KIF2C: variants seen among roughly 807,000 people sequenced by gnomAD.
KIF2C encodes the protein kinesin-like protein KIF2C.
Under a neutral mutation model 97.4 loss-of-function variants are expected in KIF2C, and 34 were observed. That is an observed-to-expected ratio of 0.35 (90% CI 0.27 to 0.46). The LOEUF is 0.46. KIF2C is among the 20% of genes least tolerant of loss of function. KIF2C has a pLI of 1.00. For synonymous variants in KIF2C, 313 were observed against 318.2 expected (o/e 0.98, Z 0.17); for missense variants, 750 against 907.6 (o/e 0.83, Z 2.23).
chr1:44,759,431 A>G (rs1650023868), intron 14 of KIF2C, 83 bp downstream of exon 14: 4 of 1,549,672 alleles, frequency 2.6e-6, no homozygotes, highest in African/African-American at 2.7e-5. Flanking sequence ...ATTTCTGTTT[A>G]CCCAGAGTGC....
chr1:44,753,958 CTTTTTTTTTTTTTTTTT>C lies in KIF2C; in HGVS notation c.663+136_663+152del. The C allele has an allele frequency of 9.0e-5, 6 of 66,332 alleles. No individual in the cohort carries two copies. In the South Asian group the frequency reaches 9.9e-4, roughly 11 times the overall value. The allele number at this position is 66,332 out of a possible 1,614,324, so 4.1% of individuals were successfully genotyped here. A position where few individuals can be genotyped will look rare whatever the true frequency, so the allele number is the denominator to read the frequency against. ...GGCTCCAGTTCTTGAGGCCCCAATT[CTTTTTTTTTTTTTTTTT>C]TTTTTTTTTTGCTCTGTTGCCCTGG... On this transcript the variant is annotated intron_variant, in intron 7 of 20. Transcript: ENST00000372224.
In KIF2C at chr1:44,739,866, C is replaced by T. The variant is rs1648841882; in HGVS notation, c.-67C>T. The stretch of plus-strand genomic sequence containing the variant: ...TGCGGCGGTTTACGCGGCGTTAAGA[C>T]TTCGTAGGGTTAGCGAAATTGAGGT... On this transcript the variant is annotated 5_prime_UTR_variant, in exon 1 of 21. Transcript: ENST00000372224. 1.4e-6 allele frequency: 2 copies of T among 1,457,914 alleles called. No homozygotes were observed. The highest frequency in any genetic ancestry group is 2.3e-5 in the East Asian group (1 of 44,086). The allele number at this position is 1,457,914 out of a possible 1,614,324, so 90.3% of individuals were successfully genotyped here.
chr1:44,749,361 G>T lies in KIF2C; in HGVS notation c.317-1081G>T, dbSNP rs181923258. Among the ~76,000 whole-genome samples the T allele has an allele frequency of 4.0e-4, 61 of 152,270 alleles. 1 individual carries two copies. In the East Asian group the frequency reaches 6.2e-3, roughly 15 times the overall value. ...AGGCAGGAGAATCGTTTGAGCCCGG[G>T]GGGGCAGAGGTTGCAGTGAGCCGAG... On this transcript the variant is annotated intron_variant, in intron 4 of 20. Transcript: ENST00000372224.
intron 8 of KIF2C, 128 bp downstream of exon 8, chr1:44,754,973 G>T (rs559219150): frequency 4.9e-6 from 3 of 611,238 alleles, no homozygotes; most frequent in African/African-American, 3.7e-5. Flanking sequence ...ATTTTTTTTT[G>T]AGATGGGGTC....
rs893436565 is a variant in KIF2C at position 44,758,608 on chromosome 1, C to T, written c.1224+468C>T. 3.9e-5 allele frequency among the ~76,000 whole-genome samples: 6 copies of T among 152,170 alleles called. No individual in the cohort carries two copies. In the South Asian group the frequency reaches 1.2e-3, roughly 31 times the overall value. On this transcript the variant is annotated intron_variant, in intron 13 of 20. Coordinates refer to ENST00000372224, the MANE Select transcript of KIF2C (RefSeq NM_006845.4). Reference sequence around the variant, plus strand: ...AGATATTAGGGGCCAGGCGTGATGGCTCACACCTGTAATCCCAGCACTTTG... The same window carrying T: ...AGATATTAGGGGCCAGGCGTGATGGTTCACACCTGTAATCCCAGCACTTTG...
intron 2 of KIF2C, chr1:44,746,763 A>G (rs771409812): frequency 6.2e-7 from 1 of 1,608,060 alleles, no homozygotes; most frequent in Admixed American, 1.7e-5. Flanking sequence ...CTAGATGGTA[A>G]ACCATTATTA....
At chr1:44,748,934 C>G (rs1254994505) in intron 4 of KIF2C, among the ~76,000 whole-genome samples, 1 of 152,048 alleles carries the variant, frequency 6.6e-6, no homozygotes, top group Non-Finnish European at 1.5e-5. Flanking sequence ...CCTGCCTCAG[C>G]CTCCCAAAGT....
intron 19 of KIF2C, among the ~76,000 whole-genome samples, chr1:44,766,180 C>T (rs534136523): frequency 1.3e-3 from 196 of 152,128 alleles, no homozygotes; most frequent in Non-Finnish European, 2.4e-3. Flanking sequence ...GAGCCAGGAT[C>T]GCACACCACT....
chr1:44,759,414 T>C, intron 14 of KIF2C, 66 bp downstream of exon 14: 1 of 1,588,104 alleles, frequency 6.3e-7, no homozygotes, highest in South Asian at 1.1e-5. Flanking sequence ...AGTCTAGCTC[T>C]GAGCACATTT....
chr1:44,748,687 T>G (rs1649348428), intron 4 of KIF2C, among the ~76,000 whole-genome samples: 1 of 150,028 alleles, frequency 6.7e-6, no homozygotes. Context: ...ACTACAGGTG[T>G]GCCCCATCAC....
At chr1:44,751,187 A>ATTATTTAT (rs72000438) in intron 5 of KIF2C, among the ~76,000 whole-genome samples, 5 of 150,628 alleles carry the variant, frequency 3.3e-5, no homozygotes, top group African/African-American at 9.8e-5. Context: ...TCTGTATTTT[A>ATTATTTAT]TTATTTATTT....
In KIF2C at chr1:44,751,095, G is replaced by C. The variant is rs566654979; in HGVS notation, c.439+531G>C. Among the ~76,000 whole-genome samples, 5 of 152,328 alleles carry C rather than the reference G, an allele frequency of 3.3e-5. No homozygotes were observed. The East Asian group carries it at 9.6e-4, about 29-fold the overall frequency. On this transcript the variant is annotated intron_variant, in intron 5 of 20. Transcript: ENST00000372224. The stretch of plus-strand genomic sequence containing the variant: ...CATTAACAGAACTTCAAAAGTCCCT[G>C]TTGGGCATATTTGCAGCTCCTAATT...
intron 19 of KIF2C, among the ~76,000 whole-genome samples, chr1:44,766,537 G>C (rs1282677842): frequency 6.6e-6 from 1 of 152,122 alleles, no homozygotes; most frequent in East Asian, 1.9e-4. Context: ...CTTAAACTCG[G>C]GGGGTGGAGG....
In KIF2C at chr1:44,756,136, T is replaced by C. The variant is rs755133851; in HGVS notation, c.876T>C (p.His292=). ...SIPSKCLLLV[H]EPKLKVDLTK... is the part of the protein sequence containing the mutation. ...CTAGCAAGTGTCTCCTCTTGGTACA[T>C]GAACCCAAGTTGAAAGTGGACTTAA... The change falls in exon 10 of 21, where the codon CAT becomes CAC. Residue 292 remains histidine, a synonymous_variant. Coordinates refer to ENST00000372224, the MANE Select transcript of KIF2C (RefSeq NM_006845.4). The C allele has an allele frequency of 6.2e-7, 1 of 1,614,236 alleles. No individual in the cohort carries two copies. The highest frequency in any genetic ancestry group is 1.1e-5 in the South Asian group (1 of 91,090).
intron 20 of KIF2C, 49 bp from the exon 21 acceptor site, chr1:44,767,047 GC>G (rs775471286): frequency 3.1e-6 from 5 of 1,607,214 alleles, no homozygotes; most frequent in Admixed American, 3.3e-5. Flanking sequence ...GTGAATGGGG[GC>G]TCCTCAGACT....
intron 4 of KIF2C, among the ~76,000 whole-genome samples, chr1:44,749,257 AC>A (rs1404410749): frequency 5.9e-5 from 9 of 151,980 alleles, no homozygotes; most frequent in African/African-American, 9.7e-5. Context: ...ACATGGTGAA[AC>A]CCCTGTCTCT....
Position 44,766,941 on chromosome 1 carries a change from C to T in KIF2C, c.2087C>T (p.Ala696Val), listed in dbSNP as rs1240093816. The T allele has an allele frequency of 1.2e-6, 2 of 1,614,206 alleles. No individual in the cohort carries two copies. The highest frequency in any genetic ancestry group is 2.2e-5 in the South Asian group (2 of 91,090). ...ALAQQAKHFS[A>V]LRDVIKALRL... ...GCCCAGCAAGCCAAGCATTTCTCAG[C>T]CCTGCGAGGTGGGTGTGGCTGGATG... The change falls in exon 20 of 21, where the codon GCC becomes GTC. Residue 696 changes from alanine to valine, a missense_variant. Coordinates refer to ENST00000372224, the MANE Select transcript of KIF2C (RefSeq NM_006845.4).
intron 14 of KIF2C, 73 bp downstream of exon 14, chr1:44,759,421 A>G (rs901977021): frequency 6.4e-7 from 1 of 1,574,514 alleles, no homozygotes; most frequent in African/African-American, 1.3e-5. Context: ...CTCTGAGCAC[A>G]TTTCTGTTTA....
At chr1:44,747,167 G>A (rs1416252357) in intron 2 of KIF2C, among the ~76,000 whole-genome samples, 2 of 151,962 alleles carry the variant, frequency 1.3e-5, no homozygotes. Flanking sequence ...AATTAGCTGG[G>A]CGTGGTGGCG....
Sources: allele counts gnomAD v4.1 joint callset (sites outside exome capture counted in the v4.1 genomes callset), GRCh38; gene constraint gnomAD v4.1.1; transcripts MANE v1.5; gene names NCBI Gene and HGNC (gene_info 2026-07-23, HGNC 2026-07-21).